Variants in PSAP observed in about 807,000 individuals in gnomAD.
The protein encoded by PSAP is prosaposin.
PSAP carries 25 observed loss-of-function variants against 66.0 expected under a neutral mutation model. The ratio of observed to expected loss-of-function variants is 0.38; its 90% confidence interval spans 0.28 to 0.53. PSAP has a LOEUF of 0.53. PSAP is among the 20% of genes least tolerant of loss of function. The probability of loss-of-function intolerance (pLI) is 0.83; values close to 1 mark genes in which losing one functional copy is unlikely to be tolerated. For missense variants in PSAP, 649 were observed against 668.8 expected (o/e 0.97, Z 0.33); for synonymous variants, 273 against 258.9 (o/e 1.05, Z -0.52).
chr10:71,835,169 G>C (rs745781748), intron 1 of PSAP, among the ~76,000 whole-genome samples: 7 of 151,914 alleles, frequency 4.6e-5, no homozygotes, highest in Admixed American at 1.3e-4. Context: ...GTGAATCCGG[G>C]AGGCGGAGCT....
At position 71,818,640 on chromosome 10, in the gene PSAP, T is replaced by C. The variant is rs530580701; in HGVS notation, c.1516A>G (p.Thr506Ala). ...ACATTGCACTGGGCTGCTGTCTCTGTGTTCTGGCACCAGTAGCTTGGGCCC... is the reference window on the plus strand; with the variant it reads ...ACATTGCACTGGGCTGCTGTCTCTGCGTTCTGGCACCAGTAGCTTGGGCCC... The part of the protein sequence containing the change: ...IWGPSYWCQN[T>A]ETAAQCNAVE... The change falls in exon 13 of 14, where the codon ACA (threonine) becomes GCA (alanine). Residue 506 changes from threonine to alanine, a missense_variant. Transcript: ENST00000394936. 3 of 1,613,912 alleles carry C rather than the reference T, an allele frequency of 1.9e-6. No individual in the cohort carries two copies. In the South Asian group the frequency reaches 3.3e-5, roughly 18 times the overall value.
intron 1 of PSAP, among the ~76,000 whole-genome samples, chr10:71,839,576 CA>C (rs1261262614): frequency 2.6e-5 from 4 of 152,148 alleles, no homozygotes; most frequent in Admixed American, 2.6e-4. Flanking sequence ...ATTTCAGGGC[CA>C]TGTGCGGTGG....
Position 71,828,662 on chromosome 10 carries a change from ATT to A in PSAP, c.576+213_576+214del, listed in dbSNP as rs145384761. Among the ~76,000 whole-genome samples, 983 of 152,220 alleles carry A rather than the reference ATT, an allele frequency of 6.5e-3. 22 individuals carry two copies. The East Asian group carries it at 0.079, about 12-fold the overall frequency. ...CCTGTCTCAAAAATAAAAGAAGTAA[ATT>A]TTTTTAAAGGGGATTAATCTTTGCA... On this transcript the variant is annotated intron_variant, in intron 5 of 13. Coordinates refer to ENST00000394936, the MANE Select transcript of PSAP (RefSeq NM_002778.4).
intron 2 of PSAP, among the ~76,000 whole-genome samples, chr10:71,833,593 C>T (rs1159192207): frequency 2.6e-5 from 4 of 152,132 alleles, no homozygotes; most frequent in Non-Finnish European, 2.9e-5. Flanking sequence ...TTTTTAGAAC[C>T]CAAAGTCCAC....
At chr10:71,820,127 C>T in intron 9 of PSAP, 113 bp downstream of exon 9, 1 of 1,045,512 alleles carries the variant, frequency 9.6e-7, no homozygotes. Flanking sequence ...GGGGACATGG[C>T]TGTACACATG....
chr10:71,823,131 C>T (rs1039488210), intron 7 of PSAP, among the ~76,000 whole-genome samples: 1 of 152,152 alleles, frequency 6.6e-6, no homozygotes, highest in African/African-American at 2.4e-5. Flanking sequence ...AAAGTCCTCT[C>T]CCATTAGACT....
chr10:71,830,235 T>C (rs1471317601), intron 4 of PSAP, among the ~76,000 whole-genome samples: 1 of 152,184 alleles, frequency 6.6e-6, no homozygotes, highest in Admixed American at 6.5e-5. Flanking sequence ...AACTCCACCT[T>C]TATCTTCTCA....
At chr10:71,828,849 G>A in intron 5 of PSAP, 28 bp downstream of exon 5, 1 of 1,612,916 alleles carries the variant, frequency 6.2e-7, no homozygotes, top group Non-Finnish European at 8.5e-7. Context: ...CCAAAAATGG[G>A]TCCTCAGTGG....
intron 8 of PSAP, among the ~76,000 whole-genome samples, chr10:71,820,915 G>C (rs1564816046): frequency 6.6e-6 from 1 of 152,244 alleles, no homozygotes. Flanking sequence ...AGCTACCTGT[G>C]CACTGAGCAC....
rs370875535 is a variant in PSAP at position 71,825,906 on chromosome 10, A to G, written c.721-13T>C. 100 of 1,610,764 alleles carry G rather than the reference A, an allele frequency of 6.2e-5. No homozygotes were observed. In the African/African-American group the frequency reaches 1.0e-3, roughly 16 times the overall value. On this transcript the variant is annotated splice_polypyrimidine_tract_variant and intron_variant, in intron 6 of 13. Transcript: ENST00000394936. Reference sequence around the variant, plus strand: ...TATAGTTCTTGCACTGAGGAGAGAGAAACAGATTGCTAAACAAATCACTGC... The same window carrying G: ...TATAGTTCTTGCACTGAGGAGAGAGGAACAGATTGCTAAACAAATCACTGC...
chr10:71,821,646 C>T (rs191034869), intron 8 of PSAP, among the ~76,000 whole-genome samples: 3 of 152,234 alleles, frequency 2.0e-5, no homozygotes, highest in African/African-American at 7.2e-5. Flanking sequence ...AATGATCCCA[C>T]GAACATTAGG....
At chr10:71,845,085 G>A (rs1182289431) in intron 1 of PSAP, among the ~76,000 whole-genome samples, 1 of 152,172 alleles carries the variant, frequency 6.6e-6, no homozygotes, top group Non-Finnish European at 1.5e-5. Flanking sequence ...TCACAGGTAT[G>A]TATGCATAAG....
At chr10:71,840,834 C>T (rs775624420) in intron 1 of PSAP, among the ~76,000 whole-genome samples, 2 of 152,154 alleles carry the variant, frequency 1.3e-5, no homozygotes, top group Non-Finnish European at 2.9e-5. Context: ...GGGAAATTAC[C>T]TTGTGCAGTA....
rs765022811 is a variant in PSAP at position 71,831,882 on chromosome 10, G to A, written c.213C>T (p.Thr71=). ...TGTCCTTCAGCATATCACCAGCTGC[G>A]GTGACAACGTCTTTGCATATGTCGC... The part of the protein sequence containing the change: ...LPCDICKDVV[T]AAGDMLKDNA... Residue 71 remains threonine, a synonymous_variant, in exon 3 of 14, where the codon ACC becomes ACT. Coordinates refer to ENST00000394936, the MANE Select transcript of PSAP (RefSeq NM_002778.4). The A allele has an allele frequency of 9.3e-6, 15 of 1,613,874 alleles. No individual in the cohort carries two copies. Among genetic ancestry groups the A allele is most frequent in the Admixed American group, 1.7e-5 (1 of 59,996 alleles).
At chr10:71,848,849 T>C (rs933527360) in intron 1 of PSAP, among the ~76,000 whole-genome samples, 3 of 152,200 alleles carry the variant, frequency 2.0e-5, no homozygotes, top group Admixed American at 6.5e-5. Context: ...AGCACTGACT[T>C]TGGCCTAATC....
intron 1 of PSAP, among the ~76,000 whole-genome samples, chr10:71,842,483 C>T (rs9665661): frequency 0.41 from 62,829 of 152,088 alleles, 14,672 homozygotes; most frequent in Middle Eastern, 0.54. Context: ...ATACAGCCCA[C>T]GTAAACACAA....
intron 7 of PSAP, among the ~76,000 whole-genome samples, chr10:71,823,586 T>C (rs1002823698): frequency 6.6e-6 from 1 of 152,188 alleles, no homozygotes; most frequent in Admixed American, 6.5e-5. Flanking sequence ...TGGTTCCCCA[T>C]TGTCACACTG....
intron 12 of PSAP, 93 bp downstream of exon 12, chr10:71,818,938 C>A: frequency 7.9e-7 from 1 of 1,263,348 alleles, no homozygotes; most frequent in South Asian, 1.2e-5. Context: ...GAGACTCCAC[C>A]CCACGGCCAA....
rs1393339834 is a variant in PSAP, at chr10:71,819,638, G to A, written c.1193-16C>T. ...GTCACGTGAACTACATAAGAGGGCAGCGGGCTCAACGCTGGCAGGGCCCTC... is the reference window on the plus strand; with the variant it reads ...GTCACGTGAACTACATAAGAGGGCAACGGGCTCAACGCTGGCAGGGCCCTC... On this transcript the variant is annotated splice_polypyrimidine_tract_variant and intron_variant, in intron 10 of 13. Coordinates refer to ENST00000394936, the MANE Select transcript of PSAP (RefSeq NM_002778.4). 1 of 1,614,126 alleles carries A rather than the reference G, an allele frequency of 6.2e-7. No homozygotes were observed. Among genetic ancestry groups the A allele is most frequent in the Admixed American group, 1.7e-5 (1 of 60,030 alleles).
Sources: allele counts gnomAD v4.1 joint callset (sites outside exome capture counted in the v4.1 genomes callset), GRCh38; gene constraint gnomAD v4.1.1; transcripts MANE v1.5; gene names NCBI Gene and HGNC (gene_info 2026-07-23, HGNC 2026-07-21).